Variants in HS6ST3 observed in about 807,000 individuals in gnomAD.
HS6ST3 encodes the protein heparan-sulfate 6-O-sulfotransferase 3.
Under a neutral mutation model 36.7 loss-of-function variants are expected in HS6ST3, and 12 were observed. That is an observed-to-expected ratio of 0.33 (90% CI 0.21 to 0.53). HS6ST3 has a LOEUF of 0.53. Among genes scored for constraint, HS6ST3 ranks in the 20% least tolerant of loss-of-function variants. HS6ST3 has a pLI of 0.95. For synonymous variants in HS6ST3, 240 were observed against 257.5 expected, an observed-to-expected ratio of 0.93 and a Z score of 0.65; for missense variants, 584 against 640.9, an observed-to-expected ratio of 0.91 and a Z score of 0.96.
intron 1 of HS6ST3, among the ~76,000 whole-genome samples, chr13:96,710,995 C>T (rs901297618): frequency 7.9e-5 from 12 of 152,222 alleles, no homozygotes; most frequent in South Asian, 2.1e-4. Flanking sequence ...TTGATGATTC[C>T]GTGCCTCAAC....
At chr13:96,498,117 C>T (rs1405038989) in intron 1 of HS6ST3, among the ~76,000 whole-genome samples, 8 of 152,140 alleles carry the variant, frequency 5.3e-5, no homozygotes, top group Non-Finnish European at 8.8e-5. Context: ...ACAGTGTCCT[C>T]GGACAAGGTC....
At chr13:96,537,690 A>G (rs972635008) in intron 1 of HS6ST3, among the ~76,000 whole-genome samples, 1 of 152,244 alleles carries the variant, frequency 6.6e-6, no homozygotes, top group Admixed American at 6.5e-5. Context: ...AATGTTAAAT[A>G]CAATATGACA....
chr13:96,338,422 A>C (rs528656952), intron 1 of HS6ST3, among the ~76,000 whole-genome samples: 1 of 152,198 alleles, frequency 6.6e-6, no homozygotes, highest in Non-Finnish European at 1.5e-5. Flanking sequence ...TGTACTGTAC[A>C]TCTCTGAGCT....
intron 1 of HS6ST3, among the ~76,000 whole-genome samples, chr13:96,382,261 G>A (rs765367206): frequency 4.6e-5 from 7 of 152,066 alleles, no homozygotes; most frequent in East Asian, 1.9e-4. Context: ...TTGAACCTTC[G>A]TTTCAGGTCT....
intron 1 of HS6ST3, among the ~76,000 whole-genome samples, chr13:96,227,398 C>G (rs1282684817): frequency 6.6e-6 from 1 of 152,164 alleles, no homozygotes; most frequent in Non-Finnish European, 1.5e-5. Context: ...CACGGTCAGA[C>G]AAGTACAGAT....
At chr13:96,287,026 C>T (rs1260009369) in intron 1 of HS6ST3, among the ~76,000 whole-genome samples, 1 of 152,006 alleles carries the variant, frequency 6.6e-6, no homozygotes, top group African/African-American at 2.4e-5. Context: ...CACCCAGCAC[C>T]CATGGCAGCA....
At chr13:96,664,059 T>C (rs749264653) in intron 1 of HS6ST3, among the ~76,000 whole-genome samples, 1 of 152,134 alleles carries the variant, frequency 6.6e-6, no homozygotes, top group Non-Finnish European at 1.5e-5. Flanking sequence ...GTGGGGATGG[T>C]TGCCAACTCT....
At chr13:96,772,507 A>T (rs1877288585) in intron 1 of HS6ST3, among the ~76,000 whole-genome samples, 1 of 152,204 alleles carries the variant, frequency 6.6e-6, no homozygotes, top group Non-Finnish European at 1.5e-5. Context: ...ATTTACAATA[A>T]ATAGCAATAA....
chr13:96,792,347 T>G (rs1440523739), intron 1 of HS6ST3, among the ~76,000 whole-genome samples: 1 of 151,920 alleles, frequency 6.6e-6, no homozygotes, highest in Non-Finnish European at 1.5e-5. Context: ...TAGCACATCT[T>G]GACATTTTGA....
chr13:96,500,529 A>G (rs2138912607), intron 1 of HS6ST3, among the ~76,000 whole-genome samples: 1 of 152,304 alleles, frequency 6.6e-6, no homozygotes, highest in South Asian at 2.1e-4. Flanking sequence ...TGGGGGGACC[A>G]AGTTAGTAGG....
chr13:96,782,890 G>A (rs1877559698), intron 1 of HS6ST3, among the ~76,000 whole-genome samples: 1 of 152,000 alleles, frequency 6.6e-6, no homozygotes, highest in South Asian at 2.1e-4. Context: ...TTCTGGATCT[G>A]TATTATCATG....
chr13:96,478,377 A>C (rs1333610727), intron 1 of HS6ST3, among the ~76,000 whole-genome samples: 2 of 152,214 alleles, frequency 1.3e-5, no homozygotes, highest in Admixed American at 6.5e-5. Context: ...CGGAGTCCTA[A>C]GCGGCAAAAA....
intron 1 of HS6ST3, among the ~76,000 whole-genome samples, chr13:96,237,048 C>T (rs2054537991): frequency 6.6e-6 from 1 of 152,172 alleles, no homozygotes; most frequent in African/African-American, 2.4e-5. Context: ...AAGGGGGAAG[C>T]CCCTTATAAA....
rs183341145 is a variant in HS6ST3, at chr13:96,155,208, T to C, written c.707+63639T>C. Among the ~76,000 whole-genome samples, 138 of 152,294 alleles carry C rather than the reference T, an allele frequency of 9.1e-4. 1 individual carries two copies. In the Middle Eastern group the frequency reaches 0.014, roughly 15 times the overall value. ...ATAATTAAAGTTTTATAAAAATATG[T>C]ATGGAAAAAACCTTAAAAGCCCAAA... On this transcript the variant is annotated intron_variant, in intron 1 of 1. Coordinates refer to ENST00000376705, the MANE Select transcript of HS6ST3 (RefSeq NM_153456.4).
chr13:96,137,241 C>T (rs953388420), intron 1 of HS6ST3, among the ~76,000 whole-genome samples: 3 of 137,728 alleles, frequency 2.2e-5, no homozygotes, highest in Non-Finnish European at 3.0e-5. Flanking sequence ...GCTTCATATG[C>T]GTGGAATCAT....
intron 1 of HS6ST3, among the ~76,000 whole-genome samples, chr13:96,701,578 T>C (rs1009636981): frequency 2.6e-5 from 4 of 152,184 alleles, no homozygotes; most frequent in Non-Finnish European, 5.9e-5. Context: ...CTTTCCTGTA[T>C]ACTTGGCACT....
At chr13:96,538,911 A>G (rs1390873664) in intron 1 of HS6ST3, among the ~76,000 whole-genome samples, 1 of 152,176 alleles carries the variant, frequency 6.6e-6, no homozygotes, top group Non-Finnish European at 1.5e-5. Flanking sequence ...TGGGTCAGAG[A>G]TGATTCTGCG....
chr13:96,515,733 C>T (rs2056069756), intron 1 of HS6ST3, among the ~76,000 whole-genome samples: 1 of 152,218 alleles, frequency 6.6e-6, no homozygotes, highest in Non-Finnish European at 1.5e-5. Flanking sequence ...AGACATACCT[C>T]TTCCCCTTCT....
At position 96,474,500 on chromosome 13, in the gene HS6ST3, T is replaced by A. The variant is rs552914136; in HGVS notation, c.708-357990T>A. 7.2e-5 allele frequency among the ~76,000 whole-genome samples: 11 copies of A among 152,278 alleles called. No individual in the cohort carries two copies. In the South Asian group the frequency reaches 2.3e-3, roughly 32 times the overall value. On this transcript the variant is annotated intron_variant, in intron 1 of 1. Transcript: ENST00000376705. ...CTCGGTGTGGGTCCAATCACAGAAT[T>A]TAAGAGAGATCTTTGCATTATACAA...
Sources: gnomAD v4.1 joint callset for allele counts (sites outside exome capture counted in the v4.1 genomes callset) on GRCh38, gnomAD v4.1.1 for gene constraint, MANE v1.5 for transcripts, NCBI Gene and HGNC (gene_info 2026-07-23, HGNC 2026-07-21) for gene names.